Variants in LOC128125817 observed in about 807,000 individuals in gnomAD.
the LOC128125817 span, among the ~76,000 whole-genome samples, chr1:41,604,262 C>T: frequency 6.6e-6 from 1 of 152,084 alleles, no homozygotes; most frequent in Non-Finnish European, 1.5e-5. Flanking sequence ...GCCAAAAAAA[C>T]TGGAAACAGC....
chr1:41,611,293 G>A, the LOC128125817 span, among the ~76,000 whole-genome samples: 2 of 152,096 alleles, frequency 1.3e-5, no homozygotes, highest in African/African-American at 4.8e-5. Context: ...GCTATACACG[G>A]GCAAAGGGAC....
chr1:41,604,796 A>G, the LOC128125817 span, among the ~76,000 whole-genome samples: 1 of 152,116 alleles, frequency 6.6e-6, no homozygotes, highest in Admixed American at 6.5e-5. Context: ...CGAAAAACCA[A>G]TCTTATGGTA....
the LOC128125817 span, among the ~76,000 whole-genome samples, chr1:41,616,204 C>T: frequency 6.6e-6 from 1 of 152,092 alleles, no homozygotes; most frequent in African/African-American, 2.4e-5. Context: ...ATGGCTCATA[C>T]AAACCCATGG....
chr1:41,595,647 C>G, the LOC128125817 span, among the ~76,000 whole-genome samples: 1 of 152,108 alleles, frequency 6.6e-6, no homozygotes, highest in East Asian at 1.9e-4. Context: ...AGGGTGTTGC[C>G]AAAGGAGATT....
At chr1:41,587,791 A>AC in the LOC128125817 span, among the ~76,000 whole-genome samples, 5 of 151,804 alleles carry the variant, frequency 3.3e-5, no homozygotes, top group South Asian at 2.1e-4. Context: ...GTGCCTCTTG[A>AC]CCCCCCAGCC....
At chr1:41,618,654 C>G in the LOC128125817 span, among the ~76,000 whole-genome samples, 146 of 151,798 alleles carry the variant, frequency 9.6e-4, no homozygotes, top group African/African-American at 3.3e-3. Context: ...TGTTCAAAGC[C>G]TTCCCTGACC....
At chr1:41,606,130 A>G in the LOC128125817 span, among the ~76,000 whole-genome samples, 1 of 150,018 alleles carries the variant, frequency 6.7e-6, no homozygotes, top group Admixed American at 6.6e-5. Flanking sequence ...GTGAAACTGC[A>G]GAGTTTTTCG....
chr1:41,613,451 T>A, the LOC128125817 span, among the ~76,000 whole-genome samples: 148 of 152,354 alleles, frequency 9.7e-4, 1 homozygote, highest in South Asian at 0.03. Context: ...AACACCTTCA[T>A]GTTCTCTGTG....
At chr1:41,617,134 A>G in the LOC128125817 span, among the ~76,000 whole-genome samples, 2 of 152,216 alleles carry the variant, frequency 1.3e-5, no homozygotes, top group Non-Finnish European at 2.9e-5. Context: ...ATGATGGACC[A>G]TGGTTTGGAT....
chr1:41,628,371 C>A, the LOC128125817 span, among the ~76,000 whole-genome samples: 1 of 152,170 alleles, frequency 6.6e-6, no homozygotes, highest in Non-Finnish European at 1.5e-5. Flanking sequence ...GAGGGTAGAC[C>A]TCTGGCTATC....
At chr1:41,601,884 T>C in the LOC128125817 span, among the ~76,000 whole-genome samples, 2 of 152,196 alleles carry the variant, frequency 1.3e-5, no homozygotes, top group Non-Finnish European at 2.9e-5. Flanking sequence ...AAGCTTGTTA[T>C]ATATGGCTTT....
chr1:41,623,990 C>G, the LOC128125817 span, among the ~76,000 whole-genome samples: 1 of 152,004 alleles, frequency 6.6e-6, no homozygotes, highest in Non-Finnish European at 1.5e-5. Flanking sequence ...TTCAAAGGCG[C>G]GGGCCAGAGG....
At chr1:41,610,533 G>C in the LOC128125817 span, among the ~76,000 whole-genome samples, 1 of 152,176 alleles carries the variant, frequency 6.6e-6, no homozygotes, top group African/African-American at 2.4e-5. Flanking sequence ...AAGGCATCTG[G>C]TAAGACAGGC....
At chr1:41,589,266 C>A in the LOC128125817 span, among the ~76,000 whole-genome samples, 14 of 152,290 alleles carry the variant, frequency 9.2e-5, no homozygotes, top group East Asian at 2.7e-3. Flanking sequence ...ACAGAATGGG[C>A]CATGAGGCCA....
the LOC128125817 span, among the ~76,000 whole-genome samples, chr1:41,603,054 T>G: frequency 6.6e-6 from 1 of 151,962 alleles, no homozygotes; most frequent in Non-Finnish European, 1.5e-5. Flanking sequence ...TCCATTTCTA[T>G]TTATTTATTT....
the LOC128125817 span, among the ~76,000 whole-genome samples, chr1:41,611,605 A>G: frequency 6.6e-6 from 1 of 152,232 alleles, no homozygotes; most frequent in African/African-American, 2.4e-5. Flanking sequence ...GGGGGTCTGC[A>G]GTGTGTGTCT....
At chr1:41,589,469 C>T in the LOC128125817 span, among the ~76,000 whole-genome samples, 2 of 152,168 alleles carry the variant, frequency 1.3e-5, no homozygotes, top group Admixed American at 6.5e-5. Flanking sequence ...TGGAGGAGCC[C>T]GGGGCCAAGG....
the LOC128125817 span, among the ~76,000 whole-genome samples, chr1:41,613,505 A>C: frequency 6.6e-6 from 1 of 152,248 alleles, no homozygotes; most frequent in Admixed American, 6.5e-5. Flanking sequence ...GAGTGAATAA[A>C]TAAATAAATG....
the LOC128125817 span, among the ~76,000 whole-genome samples, chr1:41,622,712 G>A: frequency 6.6e-6 from 1 of 152,130 alleles, no homozygotes; most frequent in Non-Finnish European, 1.5e-5. Context: ...AGATAGCAGG[G>A]TCAGATTTGT....
Sources: allele counts gnomAD v4.1 joint callset (sites outside exome capture counted in the v4.1 genomes callset), GRCh38; gene constraint gnomAD v4.1.1; transcripts MANE v1.5.